Variants in ZNF346 observed in about 807,000 individuals in gnomAD.
The protein encoded by ZNF346 is double-stranded RNA-binding zinc finger protein JAZ.
ZNF346 carries 23 observed loss-of-function variants against 33.7 expected under a neutral mutation model. The ratio of observed to expected loss-of-function variants is 0.68; its 90% CI spans 0.49 to 0.97. The LOEUF (loss-of-function observed/expected upper bound fraction) is 0.97. Among genes scored for constraint, ZNF346 ranks in the 50% least tolerant of loss-of-function variants. The pLI is 0.00. For synonymous variants in ZNF346, 134 were observed against 142.4 expected (o/e 0.94, Z 0.42); for missense variants, 340 against 371.1 (o/e 0.92, Z 0.69).
Position 177,066,519 on chromosome 5 carries a change from CAT to C in ZNF346, c.*1922_*1923del, listed in dbSNP as rs949536742. 6.6e-6 allele frequency among the ~76,000 whole-genome samples: 1 copy of C among 152,116 alleles called. No individual in the cohort carries two copies. The highest frequency in any genetic ancestry group is 2.4e-5 in the African/African-American group (1 of 41,416). On this transcript the variant is annotated 3_prime_UTR_variant, in exon 7 of 7. Transcript: ENST00000358149. ...GATAGGTTTGTTCCATGGGACTTAT[CAT>C]AGGCCTGGTGATTCTTGAAAGAGCA...
chr5:177,075,536 G>A (rs1562051723), intron 8 of ZNF346, among the ~76,000 whole-genome samples: 1 of 152,126 alleles, frequency 6.6e-6, no homozygotes. Flanking sequence ...TTGATTGATT[G>A]ACTCAAGGTC....
At chr5:177,072,192 T>G (rs958903822), downstream of ZNF346, among the ~76,000 whole-genome samples, 1 of 152,242 alleles carries the variant, frequency 6.6e-6, no homozygotes, top group African/African-American at 2.4e-5. Context: ...GGACAAAGTC[T>G]TGCAGAGCTT....
Position 177,022,909 on chromosome 5 carries a change from G to A in ZNF346, c.171G>A (p.Glu57=), listed in dbSNP as rs370780368. The change falls in exon 1 of 7, where the codon GAG becomes GAA. Residue 57 remains glutamate, a synonymous_variant. Transcript: ENST00000358149. ...AVSGAQPVGR[E]EVEHMIQKNQ... is the part of the protein sequence containing the mutation. ...CCGGTGCCCAGCCGGTGGGTAGAGA[G>A]GAAGGTGAGTCGGGGGCTTTGGAGG... 235 of 1,478,312 alleles carry A rather than the reference G, an allele frequency of 1.6e-4. No individual in the cohort carries two copies. The African/African-American group carries it at 2.9e-3, about 19-fold the overall frequency. The allele number at this position is 1,478,312 out of a possible 1,614,324, so 91.6% of individuals were successfully genotyped here. A position where few individuals can be genotyped will look rare whatever the true frequency, so the allele number is the denominator to read the frequency against.
Position 177,067,648 on chromosome 5 carries a change from TC to T in ZNF346, c.*3050del, listed in dbSNP as rs1783289487. On this transcript the variant is annotated 3_prime_UTR_variant, in exon 7 of 7. Transcript: ENST00000358149. The stretch of plus-strand genomic sequence containing the variant: ...TAAAGGGACCTAGAGATGAACACTT[TC>T]TTGCCCTTAGGGGTTCACACACAGT... Among the ~76,000 whole-genome samples the T allele has an allele frequency of 6.6e-6, 1 of 152,192 alleles. No homozygotes were observed. The highest frequency in any genetic ancestry group is 1.5e-5 in the Non-Finnish European group (1 of 68,040).
At chr5:177,031,140 A>T (rs1272232742) in intron 1 of ZNF346, among the ~76,000 whole-genome samples, 2 of 152,054 alleles carry the variant, frequency 1.3e-5, no homozygotes, top group Non-Finnish European at 2.9e-5. Context: ...GGTTCACGCC[A>T]TTCTCCTGCC....
intron 1 of ZNF346, among the ~76,000 whole-genome samples, chr5:177,024,190 G>A (rs533088144): frequency 1.0e-3 from 113 of 111,918 alleles, no homozygotes; most frequent in African/African-American, 4.9e-3. Flanking sequence ...TATTTCTGGG[G>A]CCCTCTCTCC....
intron 1 of ZNF346, among the ~76,000 whole-genome samples, chr5:177,039,908 C>T (rs1187705391): frequency 2.7e-5 from 4 of 150,492 alleles, no homozygotes; most frequent in African/African-American, 9.8e-5. Flanking sequence ...TGGCCGGGCG[C>T]GGTGGCTCAC....
At chr5:177,074,321 G>C (rs1268626213) in intron 8 of ZNF346, among the ~76,000 whole-genome samples, 1 of 152,190 alleles carries the variant, frequency 6.6e-6, no homozygotes, top group Non-Finnish European at 1.5e-5. Context: ...CCACTCTCCT[G>C]GCTTTTGCCA....
At chr5:177,055,799 G>T (rs1216297104) in intron 5 of ZNF346, among the ~76,000 whole-genome samples, 3 of 151,996 alleles carry the variant, frequency 2.0e-5, no homozygotes, top group African/African-American at 7.3e-5. Flanking sequence ...AAATTGGCCG[G>T]GTGCAGTGGC....
chr5:177,070,041 C>T (rs1423909448), downstream of ZNF346, among the ~76,000 whole-genome samples: 1 of 152,186 alleles, frequency 6.6e-6, no homozygotes, highest in African/African-American at 2.4e-5. Flanking sequence ...GGATTTTTTA[C>T]ATGCTGCTTG....
chr5:177,026,831 A>C (rs1274574967), intron 1 of ZNF346, among the ~76,000 whole-genome samples: 1 of 152,212 alleles, frequency 6.6e-6, no homozygotes, highest in Non-Finnish European at 1.5e-5. Context: ...GATTTACAGA[A>C]ATAACATTGG....
At chr5:177,059,031 G>A (rs758512786) in intron 5 of ZNF346, among the ~76,000 whole-genome samples, 26 of 152,292 alleles carry the variant, frequency 1.7e-4, no homozygotes, top group Middle Eastern at 3.4e-3. Flanking sequence ...CATTGTGCCC[G>A]GCCTATTTAG....
chr5:177,043,417 CT>C (rs1561993124), intron 3 of ZNF346, among the ~76,000 whole-genome samples: 2 of 152,086 alleles, frequency 1.3e-5, no homozygotes, highest in African/African-American at 4.8e-5. Context: ...GCTGGGATCC[CT>C]TTATGTAGTC....
intron 4 of ZNF346, among the ~76,000 whole-genome samples, chr5:177,044,781 A>G (rs768364859): frequency 6.6e-6 from 1 of 152,206 alleles, no homozygotes; most frequent in Admixed American, 6.5e-5. Context: ...CTGACTAATA[A>G]TTATAACTCA....
chr5:177,055,683 G>A (rs1447836797), intron 5 of ZNF346, among the ~76,000 whole-genome samples: 1 of 118,640 alleles, frequency 8.4e-6, no homozygotes, highest in African/African-American at 6.0e-5. Flanking sequence ...GCTCACGCCT[G>A]TAATCCCAGC....
At chr5:177,046,799 G>A (rs1190634471) in intron 4 of ZNF346, among the ~76,000 whole-genome samples, 3 of 151,876 alleles carry the variant, frequency 2.0e-5, no homozygotes, top group African/African-American at 2.4e-5. Context: ...GTGTATATGT[G>A]CATATAAACA....
chr5:177,030,873 C>G (rs1581796138), intron 1 of ZNF346, among the ~76,000 whole-genome samples: 1 of 148,750 alleles, frequency 6.7e-6, no homozygotes, highest in Non-Finnish European at 1.5e-5. Flanking sequence ...AAATATGTGG[C>G]ATTTTTGTGA....
chr5:177,053,146 T>G (rs533371286), intron 5 of ZNF346, among the ~76,000 whole-genome samples: 1 of 152,082 alleles, frequency 6.6e-6, no homozygotes, highest in Non-Finnish European at 1.5e-5. Flanking sequence ...TGAAACCCAG[T>G]CTCTACTGAA....
chr5:177,043,529 G>T (rs560405604), intron 3 of ZNF346, among the ~76,000 whole-genome samples: 1 of 152,112 alleles, frequency 6.6e-6, no homozygotes, highest in Non-Finnish European at 1.5e-5. Flanking sequence ...AATTTAGGTG[G>T]CTGAGGCAGG....
Sources: allele counts gnomAD v4.1 joint callset (sites outside exome capture counted in the v4.1 genomes callset), GRCh38; gene constraint gnomAD v4.1.1; transcripts MANE v1.5; gene names NCBI Gene and HGNC (gene_info 2026-07-23, HGNC 2026-07-21).